ARHGAP24: variants seen among roughly 807,000 people sequenced by gnomAD.
The protein encoded by ARHGAP24 is Rho GTPase activating protein 24.
A neutral mutation model predicts 76.4 loss-of-function variants in ARHGAP24; 50 were observed. That is an observed-to-expected ratio of 0.65 (90% CI 0.52 to 0.83). The LOEUF (loss-of-function observed/expected upper bound fraction) is 0.83. Ranked by LOEUF, ARHGAP24 falls within the 40% of genes least tolerant of loss-of-function variation. The pLI is 0.00. For missense variants in ARHGAP24, 930 were observed against 914.2 expected (o/e 1.02, Z -0.22); for synonymous variants, 345 against 323.3 (o/e 1.07, Z -0.72).
intron 1 of ARHGAP24, among the ~76,000 whole-genome samples, chr4:85,503,078 G>T (rs567621359): frequency 1.3e-5 from 2 of 152,170 alleles, no homozygotes; most frequent in African/African-American, 4.8e-5. Context: ...CGACTTGATC[G>T]TAGTGGATAA....
chr4:85,582,392 TTTAAGATG>T (rs1172047981), intron 2 of ARHGAP24, among the ~76,000 whole-genome samples: 1 of 152,098 alleles, frequency 6.6e-6, no homozygotes, highest in Non-Finnish European at 1.5e-5. Flanking sequence ...ATAGTGTTTA[TTTAAGATG>T]TTATCTCCGT....
chr4:85,758,060 G>GT (rs1726583493), intron 3 of ARHGAP24, among the ~76,000 whole-genome samples: 1 of 144,304 alleles, frequency 6.9e-6, no homozygotes, highest in Admixed American at 7.0e-5. Flanking sequence ...GAAGAAGAAG[G>GT]GGGAAAAAAA....
At position 85,901,757 on chromosome 4, in the gene ARHGAP24, C is replaced by T. The variant is rs1018442414; in HGVS notation, c.269-21891C>T. ...TACAGAAAGTAAATATTTATTGTAG[C>T]TTTACTAACCAGAAGAGATGGTCTG... is the stretch of plus-strand genomic sequence containing the variant. On this transcript the variant is annotated intron_variant, in intron 3 of 9. Transcript: ENST00000395184. 9.5e-4 allele frequency among the ~76,000 whole-genome samples: 145 copies of T among 152,194 alleles called. 1 individual carries two copies. Among genetic ancestry groups the T allele is most frequent in the African/African-American group, 3.1e-3 (129 of 41,544 alleles).
intron 2 of ARHGAP24, among the ~76,000 whole-genome samples, chr4:85,572,800 G>A (rs75975369): frequency 0.041 from 6,107 of 149,726 alleles, 428 homozygotes; most frequent in African/African-American, 0.14. Flanking sequence ...TTCATTCTAT[G>A]TATTATTTGT....
At chr4:85,594,206 A>G (rs966997324) in intron 2 of ARHGAP24, among the ~76,000 whole-genome samples, 1 of 151,790 alleles carries the variant, frequency 6.6e-6, no homozygotes, top group Non-Finnish European at 1.5e-5. Flanking sequence ...TATTTTATTT[A>G]TAACTATTGT....
At chr4:85,490,009 T>C (rs1046554788) in intron 1 of ARHGAP24, among the ~76,000 whole-genome samples, 2 of 152,214 alleles carry the variant, frequency 1.3e-5, no homozygotes, top group Non-Finnish European at 2.9e-5. Flanking sequence ...GCAATTAGTG[T>C]ATGACATCAT....
intron 8 of ARHGAP24, among the ~76,000 whole-genome samples, chr4:85,988,805 T>C (rs2148866098): frequency 6.6e-6 from 1 of 151,770 alleles, no homozygotes; most frequent in African/African-American, 2.4e-5. Flanking sequence ...CTATACTGTA[T>C]ACACATCATT....
intron 1 of ARHGAP24, among the ~76,000 whole-genome samples, chr4:85,563,854 T>G (rs1448375822): frequency 6.6e-6 from 1 of 152,218 alleles, no homozygotes; most frequent in Non-Finnish European, 1.5e-5. Context: ...AAGGGGTGAC[T>G]GACTTTACAT....
Position 85,516,244 on chromosome 4 carries a change from A to G in ARHGAP24, c.-21+40685A>G, listed in dbSNP as rs181952846. Among the ~76,000 whole-genome samples the G allele has an allele frequency of 4.6e-3, 708 of 152,348 alleles. 13 individuals are homozygous for G. Among genetic ancestry groups the G allele is most frequent in the East Asian group, 0.032 (167 of 5,186 alleles). On this transcript the variant is annotated intron_variant, in intron 1 of 9. Coordinates refer to ENST00000395184, the MANE Select transcript of ARHGAP24 (RefSeq NM_001025616.3). ...TCCAGATCTGGTCCCTACCTTGAGC[A>G]CTGAGTTGCCTGGATAAGCTCTGGC... is the stretch of plus-strand genomic sequence containing the variant.
chr4:85,728,417 A>C (rs1208717302), intron 3 of ARHGAP24, among the ~76,000 whole-genome samples: 1 of 152,040 alleles, frequency 6.6e-6, no homozygotes, highest in African/African-American at 2.4e-5. Flanking sequence ...TATTTTAGCT[A>C]ATCTGTCTAT....
intron 5 of ARHGAP24, among the ~76,000 whole-genome samples, chr4:85,967,686 T>A (rs893685422): frequency 6.6e-5 from 10 of 152,152 alleles, no homozygotes; most frequent in African/African-American, 2.2e-4. Flanking sequence ...ATGTGCTTGA[T>A]TATGTATCTT....
intron 8 of ARHGAP24, among the ~76,000 whole-genome samples, chr4:85,982,716 A>G (rs962224166): frequency 1.3e-5 from 2 of 152,222 alleles, no homozygotes; most frequent in African/African-American, 2.4e-5. Flanking sequence ...ATCTGACTGC[A>G]TTCTTAATGC....
intron 8 of ARHGAP24, among the ~76,000 whole-genome samples, chr4:85,981,245 A>T (rs775514299): frequency 7.9e-5 from 12 of 152,204 alleles, no homozygotes; most frequent in Non-Finnish European, 1.2e-4. Flanking sequence ...CATTTAGCAG[A>T]CACATTCTCA....
intron 2 of ARHGAP24, among the ~76,000 whole-genome samples, chr4:85,718,053 G>C (rs971265318): frequency 1.3e-4 from 20 of 152,206 alleles, no homozygotes; most frequent in Admixed American, 1.0e-3. Flanking sequence ...CAAACAAGCA[G>C]TGCATACTTT....
chr4:85,520,646 T>A lies in ARHGAP24; in HGVS notation c.-21+45087T>A, dbSNP rs1466037952. 2.0e-5 allele frequency among the ~76,000 whole-genome samples: 3 copies of A among 152,260 alleles called. No individual in the cohort carries two copies. The South Asian group carries it at 6.2e-4, about 32-fold the overall frequency. On this transcript the variant is annotated intron_variant, in intron 1 of 9. Transcript: ENST00000395184. ...CCTTGTATTTTCTTGAACCTGTAATTTATTGAACCATGTGTCAGCTGCCAT... is the reference window on the plus strand; with the variant it reads ...CCTTGTATTTTCTTGAACCTGTAATATATTGAACCATGTGTCAGCTGCCAT...
At chr4:85,839,665 G>A (rs1312844850) in intron 3 of ARHGAP24, among the ~76,000 whole-genome samples, 1 of 151,660 alleles carries the variant, frequency 6.6e-6, no homozygotes, top group Non-Finnish European at 1.5e-5. Context: ...TGGCCAGGAT[G>A]GTCTCCATCT....
chr4:85,917,975 C>T (rs1267008945), intron 3 of ARHGAP24, among the ~76,000 whole-genome samples: 3 of 152,096 alleles, frequency 2.0e-5, no homozygotes, highest in East Asian at 1.9e-4. Context: ...AGTTACCTGA[C>T]GTAGTCTGGG....
chr4:85,874,759 TATATAATTTATATATAAAATATATTTA>T (rs1732730751), intron 3 of ARHGAP24, among the ~76,000 whole-genome samples: 1 of 84,080 alleles, frequency 1.2e-5, no homozygotes, highest in African/African-American at 4.6e-5. Context: ...ATATATATTT[TATATAATTTATATATAAAATATATTTA>T]TATATAATTT....
chr4:85,847,174 T>A (rs1730940389), intron 3 of ARHGAP24, among the ~76,000 whole-genome samples: 1 of 152,204 alleles, frequency 6.6e-6, no homozygotes, highest in Non-Finnish European at 1.5e-5. Flanking sequence ...CTTGATGATC[T>A]GCAATGAATT....
Sources: allele counts gnomAD v4.1 joint callset (sites outside exome capture counted in the v4.1 genomes callset), GRCh38; gene constraint gnomAD v4.1.1; transcripts MANE v1.5; gene names NCBI Gene and HGNC (gene_info 2026-07-23, HGNC 2026-07-21).